Variants in ANKS1B observed in about 807,000 individuals in gnomAD.
ANKS1B encodes the protein ankyrin repeat and sterile alpha motif domain-containing protein 1B.
In ANKS1B, 36 loss-of-function variants were observed where a neutral mutation model predicts 148.3. That is an observed-to-expected ratio of 0.24 (90% CI 0.19 to 0.32). The LOEUF (loss-of-function observed/expected upper bound fraction) is 0.32, where lower values mean the gene tolerates loss of function less well. Ranked by LOEUF, ANKS1B falls within the 10% of genes least tolerant of loss-of-function variation. The pLI is 1.00. For missense variants in ANKS1B, 1,157 were observed against 1,542.6 expected (o/e 0.75, Z 4.19); for synonymous variants, 542 against 560.8 (o/e 0.97, Z 0.47).
intron 17 of ANKS1B, among the ~76,000 whole-genome samples, chr12:99,019,495 T>C (rs1468356263): frequency 1.3e-5 from 2 of 152,188 alleles, no homozygotes; most frequent in African/African-American, 2.4e-5. Context: ...AAATAAATGA[T>C]GTGAAATAAC....
chr12:99,139,203 TTTCC>T (rs910233005), intron 15 of ANKS1B, among the ~76,000 whole-genome samples: 1 of 149,184 alleles, frequency 6.7e-6, no homozygotes, highest in Admixed American at 6.7e-5. Context: ...TTTGTTTTTC[TTTCC>T]TTCCTTCCTT....
At chr12:99,465,555 G>A (rs918058081) in intron 10 of ANKS1B, among the ~76,000 whole-genome samples, 146 of 151,966 alleles carry the variant, frequency 9.6e-4, no homozygotes, top group African/African-American at 3.3e-3. Flanking sequence ...CCCATCTCAC[G>A]TGCAGAGACA....
At chr12:99,336,381 C>T (rs1274308692) in intron 12 of ANKS1B, among the ~76,000 whole-genome samples, 1 of 152,032 alleles carries the variant, frequency 6.6e-6, no homozygotes, top group Non-Finnish European at 1.5e-5. Context: ...GATGTAATCC[C>T]ATTTATCCCT....
At chr12:99,559,971 A>G (rs373239785) in intron 9 of ANKS1B, among the ~76,000 whole-genome samples, 2 of 152,304 alleles carry the variant, frequency 1.3e-5, no homozygotes, top group East Asian at 1.9e-4. Flanking sequence ...GACAACATAC[A>G]ATGAGGCCTC....
At chr12:99,253,963 G>A (rs1249362043) in intron 12 of ANKS1B, among the ~76,000 whole-genome samples, 1 of 152,144 alleles carries the variant, frequency 6.6e-6, no homozygotes, top group African/African-American at 2.4e-5. Context: ...AATCCAATTT[G>A]TGGGCCATTC....
intron 12 of ANKS1B, among the ~76,000 whole-genome samples, chr12:99,346,638 T>C (rs916140902): frequency 6.6e-6 from 1 of 151,918 alleles, no homozygotes; most frequent in Non-Finnish European, 1.5e-5. Flanking sequence ...AAACAAACAA[T>C]TCTGGCAAAA....
At position 99,369,783 on chromosome 12, in the gene ANKS1B, T is replaced by C. The variant is rs1177939753; in HGVS notation, c.1756+29848A>G. 6.2e-5 allele frequency among the ~76,000 whole-genome samples: 9 copies of C among 145,536 alleles called. No individual in the cohort carries two copies. In the South Asian group the frequency reaches 2.0e-3, roughly 32 times the overall value. On this transcript the variant is annotated intron_variant, in intron 12 of 26. Coordinates refer to ENST00000683438, the MANE Select transcript of ANKS1B (RefSeq NM_001352186.2). ...ATAGATAGATAGATAGATAGATAGA[T>C]AGATAGATGGACGGACGGACAGACG...
intron 9 of ANKS1B, among the ~76,000 whole-genome samples, chr12:99,581,362 G>C (rs1366152511): frequency 6.6e-6 from 1 of 151,970 alleles, no homozygotes; most frequent in Non-Finnish European, 1.5e-5. Flanking sequence ...CAAATACAAA[G>C]GAAATGAACC....
rs554029305 is a variant in ANKS1B at position 99,827,314 on chromosome 12, T to C, written c.135-1925A>G. Among the ~76,000 whole-genome samples, 55 of 151,158 alleles carry C rather than the reference T, an allele frequency of 3.6e-4. 2 individuals carry two copies. The highest frequency in any genetic ancestry group is 1.8e-4 in the Non-Finnish European group (12 of 67,832). On this transcript the variant is annotated intron_variant, in intron 1 of 26. Coordinates refer to ENST00000683438, the MANE Select transcript of ANKS1B (RefSeq NM_001352186.2). ...TAAGCCAGACACAAAAAGAAAAATA[T>C]TGCCTGAAAATATACGGAATCTGAA...
intron 22 of ANKS1B, among the ~76,000 whole-genome samples, chr12:98,798,144 C>CA (rs144597034): frequency 0.015 from 2,168 of 143,976 alleles, 23 homozygotes; most frequent in Middle Eastern, 0.043. Context: ...TTTTTTGAGA[C>CA]AGAGTTCCAC....
intron 12 of ANKS1B, among the ~76,000 whole-genome samples, chr12:99,299,821 T>G (rs1792094261): frequency 6.6e-6 from 1 of 152,220 alleles, no homozygotes; most frequent in Admixed American, 6.5e-5. Context: ...TTGTATTTTC[T>G]TTTTGATATT....
In ANKS1B at chr12:99,100,534, TTTA is replaced by T. The variant is rs2057632038; in HGVS notation, c.2527-15514_2527-15512del. ...TCAGAAGGCATATAAAGAGATTATT[TTTA>T]TTATTGTTTTGAGACAGAGTCTTGC... On this transcript the variant is annotated intron_variant, in intron 15 of 26. Coordinates refer to ENST00000683438, the MANE Select transcript of ANKS1B (RefSeq NM_001352186.2). Among the ~76,000 whole-genome samples, 3 of 152,050 alleles carry T rather than the reference TTTA, an allele frequency of 2.0e-5. No individual in the cohort carries two copies. In the South Asian group the frequency reaches 6.2e-4, roughly 31 times the overall value.
intron 8 of ANKS1B, among the ~76,000 whole-genome samples, chr12:99,713,429 A>C (rs1287840797): frequency 6.6e-6 from 1 of 152,156 alleles, no homozygotes; most frequent in Non-Finnish European, 1.5e-5. Flanking sequence ...TTCTTCCCTT[A>C]ATCTATGTCT....
chr12:99,107,519 C>T (rs2059470082), intron 15 of ANKS1B, among the ~76,000 whole-genome samples: 2 of 152,150 alleles, frequency 1.3e-5, no homozygotes, highest in Non-Finnish European at 2.9e-5. Context: ...TCTGGCATTC[C>T]TTTTTGGAAC....
intron 8 of ANKS1B, among the ~76,000 whole-genome samples, chr12:99,753,881 G>A (rs1443508677): frequency 6.6e-6 from 1 of 151,956 alleles, no homozygotes; most frequent in Non-Finnish European, 1.5e-5. Context: ...AAATCAGCCG[G>A]GCATGGTGCT....
intron 1 of ANKS1B, among the ~76,000 whole-genome samples, chr12:99,969,658 T>C (rs2095534432): frequency 6.6e-6 from 1 of 152,214 alleles, no homozygotes; most frequent in African/African-American, 2.4e-5. Context: ...TTGAGAACTA[T>C]GTAGGAACTG....
chr12:99,844,524 C>T (rs904395971), intron 1 of ANKS1B, among the ~76,000 whole-genome samples: 4 of 151,564 alleles, frequency 2.6e-5, no homozygotes, highest in African/African-American at 7.3e-5. Context: ...TTTGTCAAGT[C>T]TGTCAAAGAC....
At chr12:98,946,107 C>A (rs1191676389) in intron 17 of ANKS1B, among the ~76,000 whole-genome samples, 1 of 152,176 alleles carries the variant, frequency 6.6e-6, no homozygotes, top group Non-Finnish European at 1.5e-5. Context: ...CCCTGGCAAC[C>A]AAGACTGGTT....
chr12:99,540,666 T>C (rs947230596), intron 9 of ANKS1B, among the ~76,000 whole-genome samples: 3 of 151,996 alleles, frequency 2.0e-5, no homozygotes, highest in Non-Finnish European at 4.4e-5. Context: ...CCGCAGTGCT[T>C]AGAGAGAAAT....
Sources: gnomAD v4.1 joint callset for allele counts (sites outside exome capture counted in the v4.1 genomes callset) on GRCh38, gnomAD v4.1.1 for gene constraint, MANE v1.5 for transcripts, NCBI Gene and HGNC (gene_info 2026-07-23, HGNC 2026-07-21) for gene names.